The following SFMBT2 variants were observed in gnomAD, a reference collection of about 807,000 sequenced individuals.
The protein encoded by SFMBT2 is scm-like with four MBT domains protein 2.
A neutral mutation model predicts 110.1 loss-of-function variants in SFMBT2; 38 were observed. That is an observed-to-expected ratio of 0.35 (90% CI 0.27 to 0.45). The LOEUF (loss-of-function observed/expected upper bound fraction) is 0.45. Ranked by LOEUF, SFMBT2 falls within the 20% of genes least tolerant of loss-of-function variation. The probability of loss-of-function intolerance (pLI) is 1.00; values close to 1 mark genes in which losing one functional copy is unlikely to be tolerated. For missense variants in SFMBT2, 1,011 were observed against 1,094.9 expected (o/e 0.92, Z 1.08); for synonymous variants, 425 against 425.4 (o/e 1.00, Z 0.01).
rs951624783 is a variant in SFMBT2 at position 7,206,948 on chromosome 10, G to A, written c.1331-1020C>T. ...CCAAGATGAAGATAACACAGTGGCCGGGTGTGGTGGCTCATGACTGTAATC... is the reference window on the plus strand; with the variant it reads ...CCAAGATGAAGATAACACAGTGGCCAGGTGTGGTGGCTCATGACTGTAATC... On this transcript the variant is annotated intron_variant, in intron 11 of 20. Coordinates refer to ENST00000397167, the MANE Select transcript of SFMBT2 (RefSeq NM_001387889.1). 2.1e-5 allele frequency: 21 copies of A among 985,186 alleles called. No homozygotes were observed. The Admixed American group carries it at 6.2e-4, about 29-fold the overall frequency. 61.0% of individuals were successfully genotyped at this position (985,186 alleles called of 1,614,324 possible). A position where few individuals can be genotyped will look rare whatever the true frequency, so the allele number is the denominator to read the frequency against.
chr10:7,177,558 TGGC>T (rs946143051), intron 16 of SFMBT2, among the ~76,000 whole-genome samples: 1 of 151,826 alleles, frequency 6.6e-6, no homozygotes, highest in Admixed American at 6.6e-5. Flanking sequence ...CCCATAGGAG[TGGC>T]GGCCTTGTAA....
intron 6 of SFMBT2, among the ~76,000 whole-genome samples, 170 bp from the exon 7 acceptor site, chr10:7,277,159 G>A (rs192299315): frequency 1.5e-4 from 23 of 152,332 alleles, no homozygotes; most frequent in Non-Finnish European, 2.8e-4. Flanking sequence ...AGGACTTTCT[G>A]AAATTAAATA....
At chr10:7,169,293 G>A (rs2131521306) in intron 20 of SFMBT2, among the ~76,000 whole-genome samples, 1 of 152,300 alleles carries the variant, frequency 6.6e-6, no homozygotes, top group Admixed American at 6.5e-5. Context: ...TGAACTTAGT[G>A]GGTGTCTGCA....
At chr10:7,338,265 T>C (rs569999993) in intron 4 of SFMBT2, among the ~76,000 whole-genome samples, 1 of 152,270 alleles carries the variant, frequency 6.6e-6, no homozygotes, top group Admixed American at 6.5e-5. Flanking sequence ...ATAAGTAAAA[T>C]GTGCATGAAC....
intron 20 of SFMBT2, among the ~76,000 whole-genome samples, chr10:7,168,311 C>T (rs971578477): frequency 6.6e-6 from 1 of 152,180 alleles, no homozygotes; most frequent in Non-Finnish European, 1.5e-5. Flanking sequence ...ATTGACGTTT[C>T]AAGGTATAAG....
chr10:7,304,841 G>T (rs1346387358), intron 4 of SFMBT2, among the ~76,000 whole-genome samples: 1 of 152,118 alleles, frequency 6.6e-6, no homozygotes, highest in East Asian at 1.9e-4. Context: ...AATAAGACAG[G>T]TCCCACCCTG....
intron 12 of SFMBT2, chr10:7,205,614 T>C: frequency 2.0e-6 from 2 of 985,452 alleles, no homozygotes; most frequent in Non-Finnish European, 1.2e-6. Context: ...TGTCCCTCAC[T>C]GTTAAAGTTT....
intron 7 of SFMBT2, among the ~76,000 whole-genome samples, chr10:7,273,222 G>GTAGA (rs1841656220): frequency 1.3e-5 from 2 of 152,226 alleles, no homozygotes; most frequent in Non-Finnish European, 2.9e-5. Flanking sequence ...AATGTAGACA[G>GTAGA]CATTTTATCA....
At chr10:7,402,175 T>C (rs967617446) in intron 1 of SFMBT2, among the ~76,000 whole-genome samples, 1 of 144,896 alleles carries the variant, frequency 6.9e-6, no homozygotes, top group Non-Finnish European at 1.5e-5. Flanking sequence ...TAGGAAAAAA[T>C]AAAAATGACT....
In SFMBT2 at chr10:7,210,911, C is replaced by T. The variant is rs943099390; in HGVS notation, c.1331-4983G>A. Reference sequence around the variant, plus strand: ...AGGAAATGACAGAAATGGGATTAGACGAGTATGGGGGGGGTGTGGGGAGGG... The same window carrying T: ...AGGAAATGACAGAAATGGGATTAGATGAGTATGGGGGGGGTGTGGGGAGGG... On this transcript the variant is annotated intron_variant, in intron 11 of 20. Transcript: ENST00000397167. Among the ~76,000 whole-genome samples, 157 of 151,454 alleles carry T rather than the reference C, an allele frequency of 1.0e-3. 1 individual carries two copies. Among genetic ancestry groups the T allele is most frequent in the African/African-American group, 3.5e-3 (145 of 41,190 alleles).
intron 15 of SFMBT2, among the ~76,000 whole-genome samples, chr10:7,193,212 C>T (rs946214240): frequency 3.3e-4 from 50 of 152,124 alleles, no homozygotes; most frequent in African/African-American, 1.2e-3. Flanking sequence ...GGTCTGCTGC[C>T]GAGCAAACAC....
At chr10:7,373,611 C>G (rs1845119555) in intron 2 of SFMBT2, among the ~76,000 whole-genome samples, 1 of 152,178 alleles carries the variant, frequency 6.6e-6, no homozygotes, top group African/African-American at 2.4e-5. Flanking sequence ...CTTCTCCCAC[C>G]TGTATCATGC....
chr10:7,188,222 G>A (rs1588780999), intron 16 of SFMBT2, among the ~76,000 whole-genome samples: 1 of 152,210 alleles, frequency 6.6e-6, no homozygotes, highest in Non-Finnish European at 1.5e-5. Flanking sequence ...CCAGAAAAGA[G>A]AGCATTTGCA....
chr10:7,231,058 T>A lies in SFMBT2; in HGVS notation c.1121-3121A>T, dbSNP rs374665937. Among the ~76,000 whole-genome samples the A allele has an allele frequency of 2.2e-3, 320 of 148,826 alleles. 3 individuals carry two copies. In the Middle Eastern group the frequency reaches 0.024, roughly 11 times the overall value. On this transcript the variant is annotated intron_variant, in intron 9 of 20. Transcript: ENST00000397167. ...TTATTTTACTGTTGCTACTAAGGATTTTTTTCCCCCAACTCTCTGTGGTTA... is the reference window on the plus strand; with the variant it reads ...TTATTTTACTGTTGCTACTAAGGATATTTTTCCCCCAACTCTCTGTGGTTA...
Position 7,367,677 on chromosome 10 carries a change from C to G in SFMBT2, c.408G>C (p.Gln136His). 6.2e-7 allele frequency: 1 copy of G among 1,613,346 alleles called. No individual in the cohort carries two copies. Among genetic ancestry groups the G allele is most frequent in the Non-Finnish European group, 8.5e-7 (1 of 1,179,798 alleles). The change falls in exon 4 of 21, where the codon CAG (glutamine) becomes CAC (histidine). Residue 136 changes from glutamine to histidine, a missense_variant. By Grantham distance (24) the Gln-to-His change is conservative. This residue lies in a region of SFMBT2 where 979 missense variants were observed against 1,016.1 expected (regional missense o/e 0.96). Coordinates refer to ENST00000397167, the MANE Select transcript of SFMBT2 (RefSeq NM_001387889.1). This position sits in a 1 kb window ranked among gnomAD's most constrained non-coding sequence, Gnocchi z 6.2. ...CCGGCGGCATCAACACCTTGTTGTT[C>G]TGTGTGCACCACCCCACGGGGTGCA... ...ADLHPVGWCT[Q>H]NNKVLMPPDA...
intron 1 of SFMBT2, among the ~76,000 whole-genome samples, chr10:7,392,799 C>T (rs1262069820): frequency 2.0e-5 from 3 of 151,250 alleles, no homozygotes; most frequent in Non-Finnish European, 4.4e-5. Context: ...CCTAAGATAC[C>T]AGAAGTCTAA....
chr10:7,219,785 T>C, intron 11 of SFMBT2: 1 of 259,998 alleles, frequency 3.8e-6, no homozygotes, highest in Non-Finnish European at 6.0e-6. Flanking sequence ...TATTTATCAC[T>C]GAAAACCCAC....
In SFMBT2 at chr10:7,244,865, A is replaced by C. The variant is rs183344451; in HGVS notation, c.973-1160T>G. Among the ~76,000 whole-genome samples, 7 of 152,264 alleles carry C rather than the reference A, an allele frequency of 4.6e-5. No homozygotes were observed. The East Asian group carries it at 1.3e-3, about 29-fold the overall frequency. ...TAGTTTACTGAAGGTTTGCCTGTGA[A>C]AGTCAACTTCAAGCAACAAAGGATC... On this transcript the variant is annotated intron_variant, in intron 8 of 20. Transcript: ENST00000397167.
At chr10:7,362,813 A>G (rs890078364) in intron 4 of SFMBT2, among the ~76,000 whole-genome samples, 2 of 152,240 alleles carry the variant, frequency 1.3e-5, no homozygotes, top group African/African-American at 4.8e-5. Context: ...ACAGTGTCTC[A>G]CAATCTGTTA....
Sources: allele counts gnomAD v4.1 joint callset (sites outside exome capture counted in the v4.1 genomes callset), GRCh38; gene constraint gnomAD v4.1.1; regional missense constraint gnomAD v4.1.1; non-coding constraint Gnocchi (gnomAD v3.1); transcripts MANE v1.5; gene names NCBI Gene and HGNC (gene_info 2026-07-23, HGNC 2026-07-21).